EIF2A: variants seen among roughly 807,000 people sequenced by gnomAD.
EIF2A encodes 65 kDa eukaryotic translation initiation factor 2A.
A neutral mutation model predicts 75.2 loss-of-function variants in EIF2A; 62 were observed. That is an observed-to-expected ratio of 0.82 (90% confidence interval 0.67 to 1.02). The LOEUF (loss-of-function observed/expected upper bound fraction) is 1.02. Among genes scored for constraint, EIF2A ranks in the 50% least tolerant of loss-of-function variants. The pLI is 0.00. For synonymous variants in EIF2A, 207 were observed against 239.0 expected, an observed-to-expected ratio of 0.87 and a Z score of 1.23; for missense variants, 611 against 677.7, an observed-to-expected ratio of 0.90 and a Z score of 1.09.
intron 4 of EIF2A, among the ~76,000 whole-genome samples, 181 bp from the exon 5 acceptor site, chr3:150,563,334 A>C (rs1304877803): frequency 6.6e-6 from 1 of 152,192 alleles, no homozygotes; most frequent in African/African-American, 2.4e-5. Flanking sequence ...GAATCAGTTG[A>C]GAATCATGAG....
rs551472432 is a variant in EIF2A at position 150,580,073 on chromosome 3, G to A, written c.1498-1545G>A. Among the ~76,000 whole-genome samples the A allele has an allele frequency of 2.6e-5, 4 of 152,116 alleles. No homozygotes were observed. The East Asian group carries it at 7.7e-4, about 29-fold the overall frequency. ...CAACGAAGCAAGTATTATGCTAGAG[G>A]CTCAGTTCTAATGGGGAATGGTAGA... On this transcript the variant is annotated intron_variant, in intron 11 of 13. Transcript: ENST00000460851.
chr3:150,557,102 G>C (rs1031338698), intron 2 of EIF2A, among the ~76,000 whole-genome samples: 6 of 152,136 alleles, frequency 3.9e-5, no homozygotes, highest in African/African-American at 1.4e-4. Context: ...GTGAGCCACA[G>C]GATCTTGTTC....
In EIF2A at chr3:150,562,610, T is replaced by A. The variant is rs1396323219; in HGVS notation, c.242T>A (p.Leu81His). ...HSFDLLKAVC[L>H]EFSPKNTVLA... ...TTCGACCTCCTGAAGGCAGTTTGCC[T>A]TGAATTCTCACCCAAAAATACTGTC... Residue 81 changes from leucine to histidine, a missense_variant, in exon 4 of 14, where the codon CTT becomes CAT. Leu to His is a moderately conservative substitution (Grantham distance 99). Coordinates refer to ENST00000460851, the MANE Select transcript of EIF2A (RefSeq NM_032025.5). 6.2e-7 allele frequency: 1 copy of A among 1,613,440 alleles called. No homozygotes were observed. Among genetic ancestry groups the A allele is most frequent in the African/African-American group, 1.3e-5 (1 of 74,918 alleles).
Position 150,585,075 on chromosome 3 carries a change from G to A in EIF2A, c.*1164G>A, listed in dbSNP as rs200765501. On this transcript the variant is annotated 3_prime_UTR_variant, in exon 14 of 14. Transcript: ENST00000460851. ...GGCTTTTTGGTGGTGGTGTTTGTTT[G>A]ACAGGGTCTCACTCTGCCTCCCAGG... Among the ~76,000 whole-genome samples, 1 of 151,926 alleles carries A rather than the reference G, an allele frequency of 6.6e-6. No individual in the cohort carries two copies. The highest frequency in any genetic ancestry group is 2.4e-5 in the African/African-American group (1 of 41,380).
intron 11 of EIF2A, 62 bp downstream of exon 11, chr3:150,575,824 C>T (rs987371958): frequency 1.1e-5 from 15 of 1,398,332 alleles, no homozygotes; most frequent in Non-Finnish European, 1.4e-5. Context: ...CGCAGTGGCT[C>T]ACGCCCGTAA....
chr3:150,556,725 C>A (rs986744366), intron 2 of EIF2A, among the ~76,000 whole-genome samples: 39 of 152,024 alleles, frequency 2.6e-4, no homozygotes, highest in Admixed American at 7.9e-4. Flanking sequence ...ATTTTTCATT[C>A]AAAAAATTAT....
chr3:150,549,441 C>T (rs370789187), intron 1 of EIF2A, among the ~76,000 whole-genome samples: 1 of 152,118 alleles, frequency 6.6e-6, no homozygotes, highest in Non-Finnish European at 1.5e-5. Flanking sequence ...TGGTCTTGAA[C>T]GCCTGTCCTC....
chr3:150,575,113 A>G (rs1033390698), intron 10 of EIF2A, among the ~76,000 whole-genome samples: 2 of 152,128 alleles, frequency 1.3e-5, no homozygotes, highest in Non-Finnish European at 2.9e-5. Context: ...GTCTCTTCAT[A>G]TGTCAATCCC....
chr3:150,563,631 A>G lies in EIF2A; in HGVS notation c.392+17A>G. Reference sequence around the variant, plus strand: ...GCAAAATTGGTAAATAAATGGCTTAAAATACTAATTTTTTACATAGTATTT... The same window carrying G: ...GCAAAATTGGTAAATAAATGGCTTAGAATACTAATTTTTTACATAGTATTT... On this transcript the variant is annotated intron_variant, in intron 5 of 13. Transcript: ENST00000460851. 1 of 1,483,848 alleles carries G rather than the reference A, an allele frequency of 6.7e-7. No homozygotes were observed. Among genetic ancestry groups the G allele is most frequent in the East Asian group, 2.5e-5 (1 of 39,692 alleles). 91.9% of individuals were successfully genotyped at this position (1,483,848 alleles called of 1,614,324 possible).
chr3:150,563,117 T>C (rs373146765), intron 4 of EIF2A, among the ~76,000 whole-genome samples: 1 of 152,202 alleles, frequency 6.6e-6, no homozygotes, highest in African/African-American at 2.4e-5. Flanking sequence ...TAATACATTA[T>C]ATGAACATTT....
intron 9 of EIF2A, among the ~76,000 whole-genome samples, chr3:150,571,021 G>A (rs1469755263): frequency 6.6e-6 from 1 of 151,756 alleles, no homozygotes; most frequent in Non-Finnish European, 1.5e-5. Flanking sequence ...AGCCGAGACC[G>A]TGCCACTAAA....
chr3:150,552,436 T>C lies in EIF2A; in HGVS notation c.98+11T>C. 1.3e-6 allele frequency: 2 copies of C among 1,550,338 alleles called. No homozygotes were observed. Among genetic ancestry groups the C allele is most frequent in the Non-Finnish European group, 1.7e-6 (2 of 1,145,760 alleles). ...CACAGTGTTTCCAAGGTATGATTTA[T>C]TTTGTTAAGTAATGTTATAGGGAAC... On this transcript the variant is annotated intron_variant, in intron 2 of 13. Coordinates refer to ENST00000460851, the MANE Select transcript of EIF2A (RefSeq NM_032025.5).
chr3:150,581,555 T>C, intron 11 of EIF2A, 63 bp from the exon 12 acceptor site: 2 of 1,517,782 alleles, frequency 1.3e-6, no homozygotes, highest in Non-Finnish European at 1.8e-6. Flanking sequence ...CAAAGCTATG[T>C]TGATTTAAAT....
chr3:150,562,083 TC>T (rs1484068106), intron 3 of EIF2A, among the ~76,000 whole-genome samples: 1 of 151,876 alleles, frequency 6.6e-6, no homozygotes, highest in Non-Finnish European at 1.5e-5. Context: ...TTAAGGTATT[TC>T]CCGCATATTT....
In EIF2A at chr3:150,572,015, C is replaced by G; in HGVS notation, c.869C>G (p.Ala290Gly). ...VWNSSSTEFC[A>G]VYGFMPAKAT... The stretch of plus-strand genomic sequence containing the variant: ...AATTCTAGTTCTACTGAGTTTTGTG[C>G]TGTATATGGTTTTATGCCTGCCAAA... The change falls in exon 10 of 14, where the codon GCT becomes GGT. Residue 290 changes from alanine to glycine, a missense_variant. Ala to Gly is a moderately conservative substitution (Grantham distance 60). Coordinates refer to ENST00000460851, the MANE Select transcript of EIF2A (RefSeq NM_032025.5). 2.5e-6 allele frequency: 4 copies of G among 1,613,768 alleles called. No individual in the cohort carries two copies. The African/African-American group carries it at 5.3e-5, about 22-fold the overall frequency.
intron 3 of EIF2A, among the ~76,000 whole-genome samples, 166 bp from the exon 4 acceptor site, chr3:150,562,376 T>C (rs559747142): frequency 1.3e-5 from 2 of 151,526 alleles, no homozygotes; most frequent in African/African-American, 4.8e-5. Context: ...GAGCCGAGAT[T>C]GCGCCACTGC....
intron 6 of EIF2A, chr3:150,566,837 C>T (rs527620586): frequency 6.6e-6 from 1 of 152,208 alleles, no homozygotes; most frequent in Non-Finnish European, 1.5e-5. Flanking sequence ...CATCCCATTA[C>T]TGATTGTACA....
chr3:150,546,987 C>T, intron 1 of EIF2A, 157 bp downstream of exon 1: 2 of 966,730 alleles, frequency 2.1e-6, no homozygotes, highest in Non-Finnish European at 3.0e-6. Context: ...TATAGCGTGG[C>T]AATCGGAAGT....
At chr3:150,557,340 A>C (rs995236581) in intron 2 of EIF2A, among the ~76,000 whole-genome samples, 2 of 152,208 alleles carry the variant, frequency 1.3e-5, no homozygotes, top group African/African-American at 4.8e-5. Context: ...AATGAGTTGC[A>C]TAAGTGTAGG....
Sources: allele counts gnomAD v4.1 joint callset (sites outside exome capture counted in the v4.1 genomes callset), GRCh38; gene constraint gnomAD v4.1.1; transcripts MANE v1.5; gene names NCBI Gene and HGNC (gene_info 2026-07-23, HGNC 2026-07-21).